CRPPA: variants seen among roughly 807,000 people sequenced by gnomAD.
The protein encoded by CRPPA is D-ribitol-5-phosphate cytidylyltransferase.
In CRPPA, 43 loss-of-function variants were observed where a neutral mutation model predicts 52.0. The observed-to-expected ratio is 0.83, with a 90% CI of 0.65 to 1.07. CRPPA has a LOEUF of 1.07. Among genes scored for constraint, CRPPA ranks in the 50% least tolerant of loss-of-function variants. The pLI, the probability that CRPPA is intolerant of heterozygous loss-of-function variation, is 0.00. For synonymous variants in CRPPA, 250 were observed against 203.5 expected, an observed-to-expected ratio of 1.23 and a Z score of -1.94; for missense variants, 629 against 551.7, an observed-to-expected ratio of 1.14 and a Z score of -1.40.
intron 4 of CRPPA, among the ~76,000 whole-genome samples, chr7:16,302,831 C>A (rs1217990203): frequency 1.4e-5 from 2 of 142,038 alleles, no homozygotes; most frequent in Non-Finnish European, 3.2e-5. Context: ...CACTACAGGA[C>A]TGATTTTTTT....
At chr7:16,108,908 A>G (rs986938259) in intron 9 of CRPPA, among the ~76,000 whole-genome samples, 3 of 152,002 alleles carry the variant, frequency 2.0e-5, no homozygotes, top group Middle Eastern at 3.4e-3. Flanking sequence ...TTTTGCGACA[A>G]ATAGAAATGA....
chr7:16,396,951 T>C (rs968834197), intron 2 of CRPPA, among the ~76,000 whole-genome samples: 1 of 152,140 alleles, frequency 6.6e-6, no homozygotes, highest in Admixed American at 6.5e-5. Flanking sequence ...CTGTGACATG[T>C]GATGGAAGAC....
chr7:16,360,409 A>C (rs1489224006), intron 3 of CRPPA, among the ~76,000 whole-genome samples: 1 of 152,198 alleles, frequency 6.6e-6, no homozygotes, highest in Non-Finnish European at 1.5e-5. Flanking sequence ...CCAAATAACC[A>C]AAGCAATCTT....
chr7:16,379,541 C>G (rs1335720939), intron 2 of CRPPA, among the ~76,000 whole-genome samples: 1 of 152,124 alleles, frequency 6.6e-6, no homozygotes, highest in East Asian at 1.9e-4. Flanking sequence ...TCATTGGTAG[C>G]TTGATGGGGA....
chr7:16,208,817 A>G (rs1782037652), intron 9 of CRPPA: 2 of 169,724 alleles, frequency 1.2e-5, no homozygotes, highest in Admixed American at 1.2e-4. Flanking sequence ...AGTTCATACT[A>G]CCCCTTAGTG....
chr7:16,376,797 C>T (rs1349954584), intron 2 of CRPPA, among the ~76,000 whole-genome samples: 1 of 152,170 alleles, frequency 6.6e-6, no homozygotes, highest in African/African-American at 2.4e-5. Flanking sequence ...CAGGCAATAC[C>T]CATTGACTTC....
chr7:16,401,227 A>G (rs985720032), intron 2 of CRPPA, among the ~76,000 whole-genome samples: 10 of 152,214 alleles, frequency 6.6e-5, no homozygotes, highest in African/African-American at 2.4e-4. Flanking sequence ...CATAAATAAC[A>G]GACTCTCCTG....
At chr7:16,334,480 C>T (rs1002152239) in intron 3 of CRPPA, among the ~76,000 whole-genome samples, 2 of 152,174 alleles carry the variant, frequency 1.3e-5, no homozygotes, top group African/African-American at 4.8e-5. Context: ...GCAAGCCAAA[C>T]TTCACACATA....
At chr7:16,248,768 A>G (rs571803944) in intron 8 of CRPPA, among the ~76,000 whole-genome samples, 1 of 152,254 alleles carries the variant, frequency 6.6e-6, no homozygotes, top group Non-Finnish European at 1.5e-5. Flanking sequence ...GCGTCGCCTC[A>G]CCTGGGAAGT....
intron 3 of CRPPA, among the ~76,000 whole-genome samples, chr7:16,357,121 C>A (rs769534925): frequency 5.9e-5 from 9 of 152,032 alleles, no homozygotes; most frequent in Non-Finnish European, 1.3e-4. Context: ...GATATCGCCC[C>A]CTGTGTACAC....
intron 2 of CRPPA, among the ~76,000 whole-genome samples, chr7:16,404,515 T>C (rs1787902767): frequency 6.6e-6 from 1 of 151,740 alleles, no homozygotes; most frequent in Non-Finnish European, 1.5e-5. Flanking sequence ...GGACAATATC[T>C]CAGAAATACT....
intron 3 of CRPPA, among the ~76,000 whole-genome samples, chr7:16,352,520 T>C (rs1028570012): frequency 6.6e-6 from 1 of 152,152 alleles, no homozygotes; most frequent in Admixed American, 6.5e-5. Context: ...TCAACATCTT[T>C]AAATAGAGAA....
rs1322792700 is a variant in CRPPA at position 16,089,768 on chromosome 7, T to C, written c.*1927A>G. 2 of 182,162 alleles carry C rather than the reference T, an allele frequency of 1.1e-5. No homozygotes were observed. The highest frequency in any genetic ancestry group is 2.4e-5 in the Non-Finnish European group (2 of 83,742). 11.3% of individuals were successfully genotyped at this position (182,162 alleles called of 1,614,324 possible). The stretch of plus-strand genomic sequence containing the variant: ...CCAGTTGCCTAGGGTAATGTCATAG[T>C]AAGTACTCTGAGATAAATTCTTGTC... On this transcript the variant is annotated 3_prime_UTR_variant, in exon 10 of 10. Transcript: ENST00000407010.
intron 3 of CRPPA, among the ~76,000 whole-genome samples, chr7:16,325,555 A>T (rs150459260): frequency 6.6e-6 from 1 of 152,314 alleles, no homozygotes; most frequent in African/African-American, 2.4e-5. Flanking sequence ...AACACTCCTG[A>T]AAGAGTGATG....
chr7:16,298,452 G>A (rs955070109), intron 5 of CRPPA, among the ~76,000 whole-genome samples: 7 of 152,066 alleles, frequency 4.6e-5, no homozygotes, highest in African/African-American at 1.2e-4. Context: ...CCTATTATAT[G>A]GAAACAATAA....
intron 9 of CRPPA, among the ~76,000 whole-genome samples, chr7:16,100,579 C>T (rs1256622905): frequency 2.0e-5 from 3 of 152,174 alleles, no homozygotes; most frequent in Non-Finnish European, 4.4e-5. Flanking sequence ...TCTAAATATA[C>T]AATCATGTCA....
chr7:16,143,427 T>G (rs1191376500), intron 9 of CRPPA, among the ~76,000 whole-genome samples: 1 of 152,168 alleles, frequency 6.6e-6, no homozygotes, highest in Non-Finnish European at 1.5e-5. Flanking sequence ...GAGATGTATT[T>G]AAGCCAAGGG....
At chr7:16,345,195 G>C (rs1785980674) in intron 3 of CRPPA, among the ~76,000 whole-genome samples, 1 of 152,096 alleles carries the variant, frequency 6.6e-6, no homozygotes, top group South Asian at 2.1e-4. Context: ...GGCAGTGGGG[G>C]ATGATGTTCA....
At chr7:16,246,290 T>G (rs557478765) in intron 8 of CRPPA, among the ~76,000 whole-genome samples, 5 of 152,300 alleles carry the variant, frequency 3.3e-5, no homozygotes, top group Admixed American at 1.3e-4. Flanking sequence ...CTCATCCATC[T>G]AAGTTTTATG....
Sources: gnomAD v4.1 joint callset for allele counts (sites outside exome capture counted in the v4.1 genomes callset) on GRCh38, gnomAD v4.1.1 for gene constraint, MANE v1.5 for transcripts, NCBI Gene and HGNC (gene_info 2026-07-23, HGNC 2026-07-21) for gene names.